The following CHRDL1 variants were observed in gnomAD, a reference collection of about 807,000 sequenced individuals.
CHRDL1 encodes chordin-like protein 1.
A neutral mutation model predicts 40.9 loss-of-function variants in CHRDL1; 19 were observed. That is an observed-to-expected ratio of 0.46 (90% CI 0.32 to 0.68). The LOEUF is 0.68. Ranked by LOEUF, CHRDL1 falls within the 30% of genes least tolerant of loss-of-function variation. CHRDL1 has a pLI of 0.03. For synonymous variants in CHRDL1, 136 were observed against 123.4 expected (o/e 1.10, Z -0.68); for missense variants, 329 against 352.1 (o/e 0.93, Z 0.53).
intron 4 of CHRDL1, among the ~76,000 whole-genome samples, chrX:110,730,126 ATTTACT>A (rs920446427): frequency 1.8e-5 from 2 of 111,946 alleles, no homozygotes; most frequent in African/African-American, 6.5e-5. Context: ...TAGCAGTGAC[ATTTACT>A]TTTCAATCAG....
At chrX:110,714,310 G>A (rs2070799841) in intron 6 of CHRDL1, among the ~76,000 whole-genome samples, 1 of 111,548 alleles carries the variant, frequency 9.0e-6, no homozygotes, top group African/African-American at 3.3e-5. Flanking sequence ...CATTGCAGCA[G>A]TATTCACAAT....
chrX:110,714,215 C>T (rs12837225), intron 6 of CHRDL1, among the ~76,000 whole-genome samples: 1 of 110,199 alleles, frequency 9.1e-6, no homozygotes, highest in Non-Finnish European at 1.9e-5. Flanking sequence ...TCTTTGTGTT[C>T]GTAAGTTCTC....
intron 2 of CHRDL1, among the ~76,000 whole-genome samples, chrX:110,785,068 G>T (rs764531986): frequency 8.9e-6 from 1 of 112,066 alleles, no homozygotes; most frequent in African/African-American, 3.2e-5. Flanking sequence ...CTTCCTATCA[G>T]CACTTTAGCG....
chrX:110,703,874 A>T (rs1186294705), intron 6 of CHRDL1, among the ~76,000 whole-genome samples: 3 of 111,885 alleles, frequency 2.7e-5, no homozygotes, highest in African/African-American at 9.7e-5. Flanking sequence ...AGCAAGTCAC[A>T]TACTGGAGAC....
In CHRDL1 at chrX:110,759,752, A is replaced by C; in HGVS notation, c.210T>G (p.Asn70Lys). 8.4e-7 allele frequency: 1 copy of C among 1,183,559 alleles called. No homozygotes were observed. The stretch of plus-strand genomic sequence containing the variant: ...TGACTCGGCTGCAAAGCACATTCCC[A>C]TTCTGAAAAAGAGAAGGCAATGAGA... ...VYCVNCICSE[N>K]GNVLCSRVRC... Residue 70 changes from asparagine (N) to lysine (K), a missense_variant and splice_region_variant, in exon 4 of 12, where the codon AAT becomes AAG. Transcript: ENST00000372042.
rs1319543145 is a variant in CHRDL1, at chrX:110,689,675, CTATAT to C, written c.779-877_779-873del. Among the ~76,000 whole-genome samples the C allele has an allele frequency of 1.1e-3, 33 of 29,404 alleles. 5 individuals carry two copies. Among genetic ancestry groups the C allele is most frequent in the South Asian group, 3.8e-3 (3 of 780 alleles). 25.5% of individuals were successfully genotyped at this position (29,404 alleles called of 115,157 possible). On this transcript the variant is annotated intron_variant, in intron 8 of 11. Coordinates refer to ENST00000372042, the MANE Select transcript of CHRDL1 (RefSeq NM_001143981.2). The stretch of plus-strand genomic sequence containing the variant: ...ATATATCATCTATATATCTATATAT[CTATAT>C]ATCTATATATCTATATATCTATATA...
chrX:110,695,102 G>A, intron 7 of CHRDL1, among the ~76,000 whole-genome samples: 1 of 110,774 alleles, frequency 9.0e-6, no homozygotes, highest in Non-Finnish European at 1.9e-5. Context: ...CATGCATAGG[G>A]TGAACTGGAT....
At chrX:110,766,099 T>C (rs1473285595) in intron 2 of CHRDL1, among the ~76,000 whole-genome samples, 2 of 111,562 alleles carry the variant, frequency 1.8e-5, no homozygotes, top group African/African-American at 3.3e-5. Flanking sequence ...CGAATGAGCA[T>C]TGGGTGAAAA....
intron 9 of CHRDL1, among the ~76,000 whole-genome samples, chrX:110,685,949 T>C (rs1164788236): frequency 9.5e-6 from 1 of 104,868 alleles, no homozygotes; most frequent in South Asian, 4.5e-4. Context: ...AAAGTACTGG[T>C]GTGATCGTGG....
At chrX:110,714,538 T>C (rs1023942846) in intron 6 of CHRDL1, among the ~76,000 whole-genome samples, 21 of 111,525 alleles carry the variant, frequency 1.9e-4, no homozygotes, top group African/African-American at 5.9e-4. Context: ...AAGGTTCCAG[T>C]GGCTGTTTGC....
intron 9 of CHRDL1, among the ~76,000 whole-genome samples, chrX:110,683,666 TC>T (rs2069947577): frequency 9.0e-6 from 1 of 111,481 alleles, no homozygotes; most frequent in South Asian, 3.8e-4. Context: ...GGCAGACGTA[TC>T]TGAATGTGTG....
intron 4 of CHRDL1, among the ~76,000 whole-genome samples, chrX:110,747,409 A>AACACAC (rs113917102): frequency 0.03 from 2,701 of 91,202 alleles, 80 homozygotes; most frequent in African/African-American, 0.089. Context: ...ATCAAAACAA[A>AACACAC]ACACACACAC....
chrX:110,749,997 C>T (rs945221560), intron 4 of CHRDL1, among the ~76,000 whole-genome samples: 7 of 111,657 alleles, frequency 6.3e-5, no homozygotes, highest in African/African-American at 2.3e-4. Flanking sequence ...ATCCTAAATA[C>T]TACTGGTGTT....
At chrX:110,759,295 C>G (rs1265968714) in intron 4 of CHRDL1, among the ~76,000 whole-genome samples, 1 of 112,063 alleles carries the variant, frequency 8.9e-6, no homozygotes, top group East Asian at 2.8e-4. Context: ...GCAATTCCAG[C>G]ACTAATTGTA....
chrX:110,768,381 T>C (rs1183972762), intron 2 of CHRDL1, among the ~76,000 whole-genome samples: 1 of 111,818 alleles, frequency 8.9e-6, no homozygotes, highest in East Asian at 2.8e-4. Context: ...TCAACTTGAT[T>C]GGATTGAAGG....
At chrX:110,746,349 T>C (rs1408865088) in intron 4 of CHRDL1, among the ~76,000 whole-genome samples, 1 of 111,366 alleles carries the variant, frequency 9.0e-6, no homozygotes, top group Non-Finnish European at 1.9e-5. Context: ...TCTCTTTTTA[T>C]GATTTAGGAG....
rs186844852 is a variant in CHRDL1, at chrX:110,792,200, T to C, written c.-19A>G. The C allele has an allele frequency of 9.3e-6, 9 of 972,518 alleles. No homozygotes were observed. The Middle Eastern group carries it at 2.1e-3, about 228-fold the overall frequency. The allele number at this position is 972,518 out of a possible 1,213,427, so 80.1% of individuals were successfully genotyped here. ...TTCTCATTTGGACCACTGCAAAAGG[T>C]GACAGAACCTTCAAGCTGTTGGGAA... On this transcript the variant is annotated 5_prime_UTR_variant, in exon 2 of 12. Transcript: ENST00000372042.
At chrX:110,786,838 C>G (rs1187961677) in intron 2 of CHRDL1, among the ~76,000 whole-genome samples, 1 of 112,171 alleles carries the variant, frequency 8.9e-6, no homozygotes, top group Non-Finnish European at 1.9e-5. Context: ...TATACTATCC[C>G]TCTTAGGAAT....
At chrX:110,679,751 A>C (rs971381464) in intron 10 of CHRDL1, among the ~76,000 whole-genome samples, 7 of 111,804 alleles carry the variant, frequency 6.3e-5, no homozygotes, top group Middle Eastern at 4.6e-3. Flanking sequence ...AGCCATAGGC[A>C]GTATTAGAAA....
Sources: allele counts gnomAD v4.1 joint callset (sites outside exome capture counted in the v4.1 genomes callset), GRCh38; gene constraint gnomAD v4.1.1; transcripts MANE v1.5; gene names NCBI Gene and HGNC (gene_info 2026-07-23, HGNC 2026-07-21).